ALK: variants seen among roughly 807,000 people sequenced by gnomAD.
ALK encodes the protein ALK receptor tyrosine kinase, also known as ALK tyrosine kinase receptor.
ALK carries 74 observed loss-of-function variants against 163.1 expected under a neutral mutation model. That is an observed-to-expected ratio of 0.45 (90% CI 0.38 to 0.55). The LOEUF (loss-of-function observed/expected upper bound fraction) is 0.55. ALK is among the 20% of genes least tolerant of loss of function. The pLI, the probability that ALK is intolerant of heterozygous loss-of-function variation, is 0.00. For synonymous variants in ALK, 960 were observed against 843.2 expected, an observed-to-expected ratio of 1.14 and a Z score of -2.40; for missense variants, 2,063 against 2,105.3, an observed-to-expected ratio of 0.98 and a Z score of 0.39.
At chr2:29,423,292 C>T (rs1385469508) in intron 4 of ALK, among the ~76,000 whole-genome samples, 1 of 152,136 alleles carries the variant, frequency 6.6e-6, no homozygotes, top group Non-Finnish European at 1.5e-5. Context: ...CCTGTGAGCC[C>T]TTTGACTGGT....
chr2:29,342,853 C>T lies in ALK; in HGVS notation c.1283-14372G>A, dbSNP rs148987562. On this transcript the variant is annotated intron_variant, in intron 5 of 28. Coordinates refer to ENST00000389048, the MANE Select transcript of ALK (RefSeq NM_004304.5). ...CAGTGACGAAGCCTCTGAGCTAACC[C>T]GACACGGCTGTGTGCTCAGTGATCT... Among the ~76,000 whole-genome samples the T allele has an allele frequency of 5.8e-4, 87 of 150,602 alleles. 1 individual carries two copies. Among genetic ancestry groups the T allele is most frequent in the African/African-American group, 1.9e-3 (80 of 41,028 alleles).
At chr2:29,620,734 G>A (rs1558411842) in intron 3 of ALK, among the ~76,000 whole-genome samples, 1 of 152,122 alleles carries the variant, frequency 6.6e-6, no homozygotes, top group African/African-American at 2.4e-5. Context: ...CGTTCTAAAT[G>A]TTAGCAGAGT....
chr2:29,546,398 G>A (rs1053114500), intron 3 of ALK, among the ~76,000 whole-genome samples: 2 of 152,154 alleles, frequency 1.3e-5, no homozygotes, highest in African/African-American at 4.8e-5. Flanking sequence ...AGCTCATTTT[G>A]GTAATCCTCA....
chr2:29,491,645 A>T (rs1671905440), intron 4 of ALK, among the ~76,000 whole-genome samples: 1 of 152,194 alleles, frequency 6.6e-6, no homozygotes, highest in South Asian at 2.1e-4. Flanking sequence ...TCAGCAAGGA[A>T]CGCCAGTCCC....
intron 1 of ALK, among the ~76,000 whole-genome samples, chr2:29,788,629 A>G (rs1664106344): frequency 2.0e-5 from 3 of 152,200 alleles, no homozygotes; most frequent in Admixed American, 1.3e-4. Flanking sequence ...AACATAGCAA[A>G]GAGACTCAAA....
chr2:29,193,010 TATG>T lies in ALK; in HGVS notation c.*211_*213del, dbSNP rs1668909358. The T allele has an allele frequency of 3.4e-6, 2 of 589,514 alleles. No individual in the cohort carries two copies. Among genetic ancestry groups the T allele is most frequent in the South Asian group, 2.0e-5 (1 of 50,678 alleles). 36.5% of individuals were successfully genotyped at this position (589,514 alleles called of 1,614,324 possible). A position where few individuals can be genotyped will look rare whatever the true frequency, so the allele number is the denominator to read the frequency against. ...GGGCCTTGTATTTATCACTCATTTT[TATG>T]ATATTTTCTTCTTTCGAAAGAATAG... On this transcript the variant is annotated 3_prime_UTR_variant, in exon 29 of 29. Transcript: ENST00000389048.
chr2:29,250,977 G>T, intron 12 of ALK, 128 bp downstream of exon 12: 1 of 879,626 alleles, frequency 1.1e-6, no homozygotes, highest in Non-Finnish European at 1.7e-6. Flanking sequence ...TACCCCCTAT[G>T]GGCCTGAGTC....
At chr2:29,367,560 G>A (rs1668536307) in intron 5 of ALK, among the ~76,000 whole-genome samples, 1 of 152,164 alleles carries the variant, frequency 6.6e-6, no homozygotes, top group Non-Finnish European at 1.5e-5. Flanking sequence ...ACAGGATATA[G>A]CAAATTCTTC....
intron 4 of ALK, among the ~76,000 whole-genome samples, chr2:29,392,532 C>G (rs187689633): frequency 6.6e-6 from 1 of 152,122 alleles, no homozygotes; most frequent in African/African-American, 2.4e-5. Context: ...CTTTTCTACT[C>G]GACCTCTGCA....
At chr2:29,525,293 T>C (rs988213314) in intron 4 of ALK, among the ~76,000 whole-genome samples, 17 of 152,168 alleles carry the variant, frequency 1.1e-4, no homozygotes, top group African/African-American at 4.1e-4. Flanking sequence ...CCCTCCCAAG[T>C]CTTTAAGCTT....
intron 5 of ALK, among the ~76,000 whole-genome samples, chr2:29,371,868 C>T (rs1282696151): frequency 1.3e-5 from 2 of 152,122 alleles, no homozygotes; most frequent in Non-Finnish European, 2.9e-5. Flanking sequence ...TTCCTCTGTC[C>T]ACCCTGGAGT....
Position 29,739,329 on chromosome 2 carries a change from G to A in ALK, c.668-21632C>T, listed in dbSNP as rs527669185. On this transcript the variant is annotated intron_variant, in intron 1 of 28. Transcript: ENST00000389048. ...AATCCCAGCACGCTGGGAGCCCAAG[G>A]CGGGTAGATCACAAGGCCAAGAAAT... Among the ~76,000 whole-genome samples the A allele has an allele frequency of 2.7e-5, 4 of 150,806 alleles. No individual in the cohort carries two copies. The South Asian group carries it at 6.3e-4, about 24-fold the overall frequency.
intron 6 of ALK, among the ~76,000 whole-genome samples, chr2:29,325,812 C>A (rs12714271): frequency 0.48 from 72,773 of 151,988 alleles, 18,261 homozygotes; most frequent in African/African-American, 0.56. Flanking sequence ...AAGCAAGTTC[C>A]TACATGAAAA....
intron 13 of ALK, among the ~76,000 whole-genome samples, chr2:29,239,128 C>T (rs1009225040): frequency 7.2e-5 from 11 of 152,220 alleles, no homozygotes; most frequent in African/African-American, 2.7e-4. Flanking sequence ...AAGCTTACTC[C>T]TGTCGTTTCA....
At chr2:29,820,602 C>T (rs143224083) in intron 1 of ALK, among the ~76,000 whole-genome samples, 1,561 of 152,216 alleles carry the variant, frequency 0.01, 28 homozygotes, top group African/African-American at 0.036. Context: ...GATAGGGATC[C>T]AGCTGAAAAA....
chr2:29,679,862 A>G (rs1161814919), intron 3 of ALK, among the ~76,000 whole-genome samples: 7 of 151,942 alleles, frequency 4.6e-5, no homozygotes. Context: ...CTTAGTATTT[A>G]TTGTAAAACA....
intron 1 of ALK, among the ~76,000 whole-genome samples, chr2:29,740,868 G>C (rs996010728): frequency 1.7e-4 from 26 of 152,132 alleles, no homozygotes; most frequent in African/African-American, 6.3e-4. Flanking sequence ...CAGGCGTGGT[G>C]GTGGATGCCT....
intron 1 of ALK, among the ~76,000 whole-genome samples, chr2:29,841,595 G>GT (rs1665700752): frequency 6.6e-6 from 1 of 152,164 alleles, no homozygotes; most frequent in African/African-American, 2.4e-5. Flanking sequence ...GGCCTTCTGG[G>GT]TAATAGCAGG....
chr2:29,812,930 A>G (rs976632685), intron 1 of ALK, among the ~76,000 whole-genome samples: 1 of 152,054 alleles, frequency 6.6e-6, no homozygotes, highest in Admixed American at 6.6e-5. Context: ...TCCCTAATGG[A>G]CTCCATGCTA....
Sources: allele counts gnomAD v4.1 joint callset (sites outside exome capture counted in the v4.1 genomes callset), GRCh38; gene constraint gnomAD v4.1.1; transcripts MANE v1.5; gene names NCBI Gene and HGNC (gene_info 2026-07-23, HGNC 2026-07-21).